The following PHC2 variants were observed in gnomAD, a reference collection of about 807,000 sequenced individuals.
PHC2 encodes the protein polyhomeotic-like protein 2.
Under a neutral mutation model 87.4 loss-of-function variants are expected in PHC2, and 29 were observed. The observed-to-expected ratio is 0.33, with a 90% CI of 0.25 to 0.45. The LOEUF is 0.45. PHC2 is among the 20% of genes least tolerant of loss of function. PHC2 has a pLI of 1.00. For missense variants in PHC2, 857 were observed against 1,136.7 expected (o/e 0.75, Z 3.54); for synonymous variants, 438 against 461.7 (o/e 0.95, Z 0.66).
chr1:33,365,004 TGAG>T (rs1647365252), intron 7 of PHC2, among the ~76,000 whole-genome samples: 1 of 152,230 alleles, frequency 6.6e-6, no homozygotes, highest in Admixed American at 6.5e-5. Flanking sequence ...CAGGAAAGGC[TGAG>T]GAGGCCCCAG....
chr1:33,365,931 C>T (rs963792752), intron 7 of PHC2, among the ~76,000 whole-genome samples: 24 of 152,212 alleles, frequency 1.6e-4, no homozygotes, highest in Non-Finnish European at 1.0e-4. Context: ...CTCTGAAGGA[C>T]GGCATCTCTG....
At chr1:33,386,856 G>A (rs888547487) in intron 1 of PHC2, among the ~76,000 whole-genome samples, 1 of 152,030 alleles carries the variant, frequency 6.6e-6, no homozygotes, top group Non-Finnish European at 1.5e-5. Context: ...TACACAAAGT[G>A]CACACACAGC....
At chr1:33,404,357 T>C (rs1649666913) in intron 1 of PHC2, among the ~76,000 whole-genome samples, 1 of 152,156 alleles carries the variant, frequency 6.6e-6, no homozygotes, top group African/African-American at 2.4e-5. Flanking sequence ...AATAAAATCT[T>C]TCAAAAAAAA....
Position 33,364,359 on chromosome 1 carries a change from GACACAC to G in PHC2, c.976+2751_976+2756del, listed in dbSNP as rs34902529. Among the ~76,000 whole-genome samples, 83 of 145,824 alleles carry G rather than the reference GACACAC, an allele frequency of 5.7e-4. No individual in the cohort carries two copies. The highest frequency in any genetic ancestry group is 1.4e-3 in the African/African-American group (56 of 39,074). On this transcript the variant is annotated intron_variant, in intron 7 of 14. Transcript: ENST00000683057. This position sits in a 1 kb window ranked among gnomAD's most constrained non-coding sequence, Gnocchi z 4.1. ...GCGCTCGCTTGCTTTCTCTCTCCCAGACACACACACACACACACACACACTTGCTTT... is the reference window on the plus strand; with the variant it reads ...GCGCTCGCTTGCTTTCTCTCTCCCAGACACACACACACACACACTTGCTTT...
chr1:33,419,569 T>C (rs1205088239), intron 1 of PHC2, among the ~76,000 whole-genome samples: 2 of 152,146 alleles, frequency 1.3e-5, no homozygotes, highest in Admixed American at 6.5e-5. Flanking sequence ...AACCTCCATG[T>C]CCATTGTCTC....
At chr1:33,366,134 A>G (rs1192193834) in intron 7 of PHC2, among the ~76,000 whole-genome samples, 3 of 152,218 alleles carry the variant, frequency 2.0e-5, no homozygotes, top group African/African-American at 7.2e-5. Context: ...TTCTTGATGT[A>G]TTTTCTCAAG....
intron 7 of PHC2, 34 bp from the exon 8 acceptor site, chr1:33,355,287 C>T (rs749684049): frequency 6.6e-6 from 10 of 1,513,296 alleles, no homozygotes; most frequent in Non-Finnish European, 7.1e-6. Context: ...GAGAGCATGG[C>T]TTGACCTTCT....
At chr1:33,404,796 T>A (rs968375365) in intron 1 of PHC2, among the ~76,000 whole-genome samples, 1 of 152,208 alleles carries the variant, frequency 6.6e-6, no homozygotes, top group Non-Finnish European at 1.5e-5. Context: ...TAAAATTGAA[T>A]GATATGAAGA....
intron 1 of PHC2, among the ~76,000 whole-genome samples, chr1:33,421,154 T>A (rs952153844): frequency 8.5e-5 from 13 of 152,320 alleles, no homozygotes; most frequent in South Asian, 4.1e-4. Context: ...GTTTCTTTAT[T>A]GTCAGGAGCT....
rs553524278 is a variant in PHC2 at position 33,328,770 on chromosome 1, G to A, written c.2425+100C>T. Reference sequence around the variant, plus strand: ...TCTGCACCCCAGTTCCTGAACCTGAGTCATTAACTAAACTACCTAATCCTC... The same window carrying A: ...TCTGCACCCCAGTTCCTGAACCTGAATCATTAACTAAACTACCTAATCCTC... On this transcript the variant is annotated intron_variant, in intron 14 of 14. Coordinates refer to ENST00000683057, the MANE Select transcript of PHC2 (RefSeq NM_001385109.1). 46 of 1,191,952 alleles carry A rather than the reference G, an allele frequency of 3.9e-5. No individual in the cohort carries two copies. In the South Asian group the frequency reaches 5.7e-4, roughly 15 times the overall value. 73.8% of individuals were successfully genotyped at this position (1,191,952 alleles called of 1,614,324 possible). A position where few individuals can be genotyped will look rare whatever the true frequency, so the allele number is the denominator to read the frequency against.
At position 33,349,259 on chromosome 1, in the gene PHC2, A is replaced by G. The variant is rs948924638; in HGVS notation, c.1558+5142T>C. The G allele has an allele frequency of 5.1e-6, 5 of 985,104 alleles. No individual in the cohort carries two copies. The highest frequency in any genetic ancestry group is 6.0e-6 in the Non-Finnish European group (5 of 829,868). The allele number at this position is 985,104 out of a possible 1,614,324, so 61.0% of individuals were successfully genotyped here. On this transcript the variant is annotated intron_variant, in intron 9 of 14. Transcript: ENST00000683057. The surrounding 1 kb of genome is among the most constrained non-coding windows in gnomAD (Gnocchi z 4.2). ...CAGATGCCAGCAGTCTCGTCCCCGA[A>G]CGCACCGTCCGTCCCAGGGAAGTCG...
intron 1 of PHC2, among the ~76,000 whole-genome samples, chr1:33,419,932 G>A (rs1434490422): frequency 6.6e-6 from 1 of 151,774 alleles, no homozygotes; most frequent in Non-Finnish European, 1.5e-5. Flanking sequence ...AAGGACACTT[G>A]TGATTGTATT....
At chr1:33,346,932 G>A (rs1646855199) in intron 9 of PHC2, 2 of 985,366 alleles carry the variant, frequency 2.0e-6, no homozygotes, top group Non-Finnish European at 1.2e-6. Context: ...ATAAGAAAAT[G>A]TAGAGAGGGG....
At chr1:33,406,399 C>T (rs1188999195) in intron 1 of PHC2, among the ~76,000 whole-genome samples, 2 of 152,056 alleles carry the variant, frequency 1.3e-5, no homozygotes, top group Non-Finnish European at 2.9e-5. Flanking sequence ...GATATTGGGG[C>T]CACGTAATTC....
intron 7 of PHC2, among the ~76,000 whole-genome samples, chr1:33,359,654 T>C (rs1647158849): frequency 6.6e-6 from 1 of 152,192 alleles, no homozygotes; most frequent in South Asian, 2.1e-4. Flanking sequence ...CACCATAATT[T>C]GGTAAATATT....
At chr1:33,394,826 T>C (rs1433970715) in intron 1 of PHC2, among the ~76,000 whole-genome samples, 2 of 152,198 alleles carry the variant, frequency 1.3e-5, no homozygotes, top group Non-Finnish European at 2.9e-5. Flanking sequence ...TGCCTTGGCC[T>C]CCCGAAGTGT....
intron 9 of PHC2, among the ~76,000 whole-genome samples, chr1:33,336,124 G>A (rs920924798): frequency 6.6e-6 from 1 of 151,760 alleles, no homozygotes; most frequent in Non-Finnish European, 1.5e-5. Flanking sequence ...GAGTAGCTGG[G>A]ATTACAGGCA....
rs371151635 is a variant in PHC2 at position 33,408,723 on chromosome 1, C to G, written c.-55+22253G>C. On this transcript the variant is annotated intron_variant, in intron 1 of 14. Transcript: ENST00000683057. ...CTTGTGATCTGCCTGCCTCGGCCCC[C>G]CAAAGTGCTGGGATTACAGGCATGA... is the stretch of plus-strand genomic sequence containing the variant. Among the ~76,000 whole-genome samples, 25 of 152,230 alleles carry G rather than the reference C, an allele frequency of 1.6e-4. No individual in the cohort carries two copies. The South Asian group carries it at 3.7e-3, about 23-fold the overall frequency.
intron 1 of PHC2, among the ~76,000 whole-genome samples, chr1:33,425,601 G>T (rs1650637369): frequency 6.6e-6 from 1 of 152,182 alleles, no homozygotes; most frequent in East Asian, 1.9e-4. Context: ...AAAGCAAGCT[G>T]GGAAATGCCT....
Sources: gnomAD v4.1 joint callset for allele counts (sites outside exome capture counted in the v4.1 genomes callset) on GRCh38, gnomAD v4.1.1 for gene constraint, Gnocchi (gnomAD v3.1) non-coding constraint, MANE v1.5 for transcripts, NCBI Gene and HGNC (gene_info 2026-07-23, HGNC 2026-07-21) for gene names.